Variants in PTPRA observed in about 807,000 individuals in gnomAD.
PTPRA encodes receptor-type tyrosine-protein phosphatase alpha.
PTPRA carries 25 observed loss-of-function variants against 104.8 expected under a neutral mutation model. That is an observed-to-expected ratio of 0.24 (90% CI 0.17 to 0.33). The LOEUF (loss-of-function observed/expected upper bound fraction) is 0.33. Ranked by LOEUF, PTPRA falls within the 10% of genes least tolerant of loss-of-function variation. The pLI is 1.00. For synonymous variants in PTPRA, 323 were observed against 368.9 expected (o/e 0.88, Z 1.43); for missense variants, 765 against 1,015.3 (o/e 0.75, Z 3.35).
intron 11 of PTPRA, among the ~76,000 whole-genome samples, chr20:3,009,146 G>A (rs2064030832): frequency 6.6e-6 from 1 of 152,156 alleles, no homozygotes; most frequent in South Asian, 2.1e-4. Flanking sequence ...CAAATGAGAT[G>A]GGACTGTGAC....
At position 2,914,893 on chromosome 20, in the gene PTPRA, C is replaced by T. The variant is rs144288792; in HGVS notation, c.-128-8314C>T. ...AAACATTTGAGTCGCTATTGGGTAA[C>T]GTGTATTCCTAGGTGAGGCCAAGCA... On this transcript the variant is annotated intron_variant, in intron 1 of 23. Coordinates refer to ENST00000399903, the MANE Select transcript of PTPRA (RefSeq NM_001385305.1). 2.0e-5 allele frequency among the ~76,000 whole-genome samples: 3 copies of T among 152,178 alleles called. 1 individual carries two copies. Among genetic ancestry groups the T allele is most frequent in the African/African-American group, 7.2e-5 (3 of 41,520 alleles).
At chr20:2,943,852 TAC>T in intron 2 of PTPRA, among the ~76,000 whole-genome samples, 1 of 152,320 alleles carries the variant, frequency 6.6e-6, no homozygotes, top group African/African-American at 2.4e-5. Context: ...AAAAAGTTAA[TAC>T]TTAAGTATTA....
At chr20:2,991,789 C>T (rs1391079282) in intron 9 of PTPRA, among the ~76,000 whole-genome samples, 1 of 152,174 alleles carries the variant, frequency 6.6e-6, no homozygotes, top group Non-Finnish European at 1.5e-5. Flanking sequence ...CCATCATCAC[C>T]TGGGTTTCTA....
chr20:2,959,510 T>TA (rs1191983332), intron 3 of PTPRA, among the ~76,000 whole-genome samples: 1 of 152,208 alleles, frequency 6.6e-6, no homozygotes, highest in Non-Finnish European at 1.5e-5. Context: ...TCAGTATTGT[T>TA]ATGAGTTCTT....
intron 2 of PTPRA, among the ~76,000 whole-genome samples, chr20:2,936,561 A>T (rs1460572009): frequency 6.6e-6 from 1 of 152,006 alleles, no homozygotes; most frequent in Non-Finnish European, 1.5e-5. Flanking sequence ...TCCTAGGCTC[A>T]ATCAGCCCTC....
At chr20:2,919,570 A>T (rs2060029200) in intron 1 of PTPRA, among the ~76,000 whole-genome samples, 1 of 152,104 alleles carries the variant, frequency 6.6e-6, no homozygotes, top group Non-Finnish European at 1.5e-5. Context: ...TAGAGACGGG[A>T]TCTTGCCCTG....
intron 11 of PTPRA, among the ~76,000 whole-genome samples, chr20:3,013,281 T>C (rs1436358915): frequency 6.6e-6 from 1 of 152,158 alleles, no homozygotes; most frequent in Non-Finnish European, 1.5e-5. Flanking sequence ...GGGAAACACA[T>C]AGGTCAGCTA....
chr20:2,959,081 G>A (rs142689583), intron 3 of PTPRA, among the ~76,000 whole-genome samples: 29 of 152,252 alleles, frequency 1.9e-4, no homozygotes, highest in Non-Finnish European at 2.6e-4. Context: ...AGTCTTTCTC[G>A]GAGACGGATG....
At chr20:2,914,928 A>G (rs1469032446) in intron 1 of PTPRA, among the ~76,000 whole-genome samples, 1 of 152,212 alleles carries the variant, frequency 6.6e-6, no homozygotes, top group Non-Finnish European at 1.5e-5. Context: ...AAGGCAGTCT[A>G]CTGCCTTCTT....
At chr20:2,937,102 T>G (rs566084951) in intron 2 of PTPRA, among the ~76,000 whole-genome samples, 4 of 150,558 alleles carry the variant, frequency 2.7e-5, no homozygotes, top group Non-Finnish European at 5.9e-5. Flanking sequence ...GAAGGAATCT[T>G]TTAGTTCCTT....
chr20:2,943,156 G>A (rs117718369), intron 2 of PTPRA, among the ~76,000 whole-genome samples: 3,634 of 150,534 alleles, frequency 0.024, 66 homozygotes, highest in Non-Finnish European at 0.038. Flanking sequence ...TTTACGTAGG[G>A]TTCAGTACCA....
the PTPRA span, chr20:2,866,374 A>G: frequency 1.2e-6 from 2 of 1,614,056 alleles, no homozygotes; most frequent in Non-Finnish European, 1.7e-6. Flanking sequence ...GGTGAGAGGC[A>G]GGGTTTGTGC....
At chr20:3,006,944 A>G (rs2063902522) in intron 10 of PTPRA, among the ~76,000 whole-genome samples, 1 of 151,978 alleles carries the variant, frequency 6.6e-6, no homozygotes, top group Admixed American at 6.6e-5. Flanking sequence ...CTTCTTATTT[A>G]TGTGCACATG....
At chr20:3,004,895 A>G (rs1285522871) in intron 9 of PTPRA, among the ~76,000 whole-genome samples, 161 bp from the exon 10 acceptor site, 2 of 152,096 alleles carry the variant, frequency 1.3e-5, no homozygotes, top group Non-Finnish European at 2.9e-5. Flanking sequence ...TTCGGGGGAG[A>G]GGAGCATTCT....
intron 1 of PTPRA, among the ~76,000 whole-genome samples, chr20:2,896,114 C>T (rs1480262460): frequency 1.3e-5 from 2 of 152,090 alleles, no homozygotes; most frequent in Admixed American, 6.5e-5. Flanking sequence ...GTGGCTCACA[C>T]CTGTAATCCC....
chr20:2,938,576 A>T (rs773245452), intron 2 of PTPRA, among the ~76,000 whole-genome samples: 1 of 151,640 alleles, frequency 6.6e-6, no homozygotes, highest in Non-Finnish European at 1.5e-5. Flanking sequence ...TGAATGTTAG[A>T]TCTTTGTTAT....
chr20:2,946,427 A>G (rs758726939), intron 2 of PTPRA, among the ~76,000 whole-genome samples: 5 of 152,210 alleles, frequency 3.3e-5, no homozygotes, highest in Admixed American at 2.6e-4. Context: ...AAAAGAGAGC[A>G]AACATGGAAT....
chr20:2,938,945 G>C (rs1028828999), intron 2 of PTPRA, among the ~76,000 whole-genome samples: 3 of 152,108 alleles, frequency 2.0e-5, no homozygotes, highest in African/African-American at 7.2e-5. Context: ...GGTATAATGA[G>C]TAATGTTGGA....
At chr20:3,018,597 A>G (rs547906466) in intron 13 of PTPRA, among the ~76,000 whole-genome samples, 2 of 152,032 alleles carry the variant, frequency 1.3e-5, no homozygotes, top group African/African-American at 4.8e-5. Flanking sequence ...AGTATAGAAC[A>G]AAATGAAAAG....
Sources: gnomAD v4.1 joint callset for allele counts (sites outside exome capture counted in the v4.1 genomes callset) on GRCh38, gnomAD v4.1.1 for gene constraint, MANE v1.5 for transcripts, NCBI Gene and HGNC (gene_info 2026-07-23, HGNC 2026-07-21) for gene names.